The following CNTNAP2 variants were observed in gnomAD, a reference collection of about 807,000 sequenced individuals.
CNTNAP2 encodes the protein contactin associated protein 2, also known as contactin-associated protein-like 2.
A neutral mutation model predicts 155.2 loss-of-function variants in CNTNAP2; 98 were observed. The observed-to-expected ratio is 0.63, with a 90% CI of 0.54 to 0.75. The LOEUF is 0.75. Ranked by LOEUF, CNTNAP2 falls within the 30% of genes least tolerant of loss-of-function variation. The pLI is 0.00. For synonymous variants in CNTNAP2, 651 were observed against 631.2 expected, an observed-to-expected ratio of 1.03 and a Z score of -0.47; for missense variants, 1,727 against 1,688.1, an observed-to-expected ratio of 1.02 and a Z score of -0.40.
intron 8 of CNTNAP2, among the ~76,000 whole-genome samples, chr7:147,188,119 A>G (rs772638649): frequency 3.3e-5 from 5 of 152,216 alleles, no homozygotes; most frequent in Non-Finnish European, 7.3e-5. Context: ...TTTTCCTCCA[A>G]GAGGGCACTA....
Position 148,343,406 on chromosome 7 carries a change from G to A in CNTNAP2, c.3476-40243G>A, listed in dbSNP as rs141444511. ...CAATGTATTTTATTTATGTTTCGACGTCCAGTCTGTTCATCTTCAGTACAG... is the reference window on the plus strand; with the variant it reads ...CAATGTATTTTATTTATGTTTCGACATCCAGTCTGTTCATCTTCAGTACAG... On this transcript the variant is annotated intron_variant, in intron 21 of 23. Coordinates refer to ENST00000361727, the MANE Select transcript of CNTNAP2 (RefSeq NM_014141.6). 5.9e-3 allele frequency among the ~76,000 whole-genome samples: 898 copies of A among 152,248 alleles called. 3 individuals carry two copies. The highest frequency in any genetic ancestry group is 8.8e-3 in the Non-Finnish European group (602 of 68,032).
intron 3 of CNTNAP2, among the ~76,000 whole-genome samples, chr7:146,879,003 G>A (rs1257494878): frequency 1.3e-5 from 2 of 152,296 alleles, no homozygotes; most frequent in East Asian, 3.9e-4. Context: ...GGAAAGGACT[G>A]TCTGGGTTGC....
intron 13 of CNTNAP2, among the ~76,000 whole-genome samples, chr7:147,731,748 A>G (rs976765734): frequency 6.6e-6 from 1 of 151,990 alleles, no homozygotes; most frequent in Non-Finnish European, 1.5e-5. Context: ...TTTTGAAACT[A>G]CTGGAAAGGA....
chr7:146,634,395 AAAT>A (rs1243821534), intron 1 of CNTNAP2, among the ~76,000 whole-genome samples: 1 of 152,212 alleles, frequency 6.6e-6, no homozygotes, highest in Non-Finnish European at 1.5e-5. Flanking sequence ...AAAATGGAGG[AAAT>A]AATGTTTTCT....
At chr7:147,620,117 T>G (rs1801365563) in intron 12 of CNTNAP2, among the ~76,000 whole-genome samples, 1 of 152,244 alleles carries the variant, frequency 6.6e-6, no homozygotes. Context: ...AACACAGCAT[T>G]ACTGGGCTTG....
intron 13 of CNTNAP2, among the ~76,000 whole-genome samples, chr7:147,726,358 C>G (rs972007123): frequency 6.6e-6 from 1 of 151,956 alleles, no homozygotes; most frequent in Admixed American, 6.6e-5. Flanking sequence ...GAACCCAGGA[C>G]TGGCCACTTG....
chr7:146,302,648 C>A (rs1468975238), intron 1 of CNTNAP2, among the ~76,000 whole-genome samples: 1 of 152,074 alleles, frequency 6.6e-6, no homozygotes, highest in African/African-American at 2.4e-5. Context: ...AGGCCGAACT[C>A]TTAAACAGCA....
At chr7:147,950,820 G>A (rs578178922) in intron 14 of CNTNAP2, among the ~76,000 whole-genome samples, 3 of 152,338 alleles carry the variant, frequency 2.0e-5, no homozygotes, top group Non-Finnish European at 1.5e-5. Flanking sequence ...CCTGTATTGG[G>A]AGGAAGAAAC....
chr7:146,166,439 C>G (rs1298566534), intron 1 of CNTNAP2, among the ~76,000 whole-genome samples: 1 of 152,126 alleles, frequency 6.6e-6, no homozygotes, highest in Non-Finnish European at 1.5e-5. Context: ...ATCCAATGGA[C>G]TGTACTCCAA....
intron 1 of CNTNAP2, among the ~76,000 whole-genome samples, chr7:146,755,135 G>A (rs1327816708): frequency 6.6e-6 from 1 of 151,900 alleles, no homozygotes; most frequent in Non-Finnish European, 1.5e-5. Flanking sequence ...GATGTAATTG[G>A]AATTTGTGCC....
rs1408207827 is a variant in CNTNAP2 at position 146,232,145 on chromosome 7, A to AT, written c.97+115174dup. ...CCTAGAAGGATTTAAATCTGAGTTG[A>AT]TTAACAAGATGATATCCTTCATGGA... is the stretch of plus-strand genomic sequence containing the variant. On this transcript the variant is annotated intron_variant, in intron 1 of 23. Transcript: ENST00000361727. Among the ~76,000 whole-genome samples the AT allele has an allele frequency of 4.8e-3, 725 of 152,128 alleles. 5 individuals are homozygous for AT. The highest frequency in any genetic ancestry group is 0.017 in the African/African-American group (687 of 41,518).
intron 12 of CNTNAP2, among the ~76,000 whole-genome samples, chr7:147,626,402 C>G (rs907806193): frequency 5.9e-5 from 9 of 152,080 alleles, no homozygotes; most frequent in African/African-American, 2.2e-4. Flanking sequence ...AACTATATGA[C>G]ACAGCAGAGG....
At chr7:148,311,746 A>G (rs1287310729) in intron 21 of CNTNAP2, among the ~76,000 whole-genome samples, 4 of 152,196 alleles carry the variant, frequency 2.6e-5, no homozygotes, top group Non-Finnish European at 5.9e-5. Context: ...GTACTATAGC[A>G]TAGCCTGCCT....
At chr7:146,864,698 A>G (rs1265940375) in intron 3 of CNTNAP2, among the ~76,000 whole-genome samples, 2 of 152,126 alleles carry the variant, frequency 1.3e-5, no homozygotes, top group Non-Finnish European at 2.9e-5. Context: ...AAAACTACTG[A>G]AAGTAGTCAG....
chr7:146,960,247 A>T (rs1797529298), intron 3 of CNTNAP2, among the ~76,000 whole-genome samples: 1 of 152,228 alleles, frequency 6.6e-6, no homozygotes, highest in Non-Finnish European at 1.5e-5. Flanking sequence ...TCCAAAATGC[A>T]CATCTTTCTC....
At chr7:148,343,883 C>T (rs138124521) in intron 21 of CNTNAP2, among the ~76,000 whole-genome samples, 1,779 of 152,262 alleles carry the variant, frequency 0.012, 14 homozygotes, top group Non-Finnish European at 0.018. Flanking sequence ...GGTTCTGAAA[C>T]TGGTGAAATG....
intron 1 of CNTNAP2, among the ~76,000 whole-genome samples, chr7:146,496,830 T>C (rs1230291500): frequency 2.6e-5 from 4 of 152,136 alleles, no homozygotes; most frequent in Admixed American, 6.5e-5. Context: ...AAGTCAGCAG[T>C]CTATCTTTAA....
At chr7:146,852,271 T>C (rs1794894224) in intron 3 of CNTNAP2, among the ~76,000 whole-genome samples, 1 of 152,194 alleles carries the variant, frequency 6.6e-6, no homozygotes, top group Non-Finnish European at 1.5e-5. Flanking sequence ...AGAATAAGGA[T>C]GATCTTGTAA....
At chr7:148,095,426 G>A (rs751314170) in intron 15 of CNTNAP2, among the ~76,000 whole-genome samples, 6 of 152,110 alleles carry the variant, frequency 3.9e-5, no homozygotes, top group Non-Finnish European at 7.3e-5. Flanking sequence ...TCAAAATAAC[G>A]GTACTTCGAA....
Sources: allele counts gnomAD v4.1 joint callset (sites outside exome capture counted in the v4.1 genomes callset), GRCh38; gene constraint gnomAD v4.1.1; transcripts MANE v1.5; gene names NCBI Gene and HGNC (gene_info 2026-07-23, HGNC 2026-07-21).